Variants in CD69 observed in about 807,000 individuals in gnomAD.
CD69 encodes CD69 molecule, also known as early activation antigen CD69.
A neutral mutation model predicts 21.4 loss-of-function variants in CD69; 10 were observed. That is an observed-to-expected ratio of 0.47 (90% confidence interval 0.29 to 0.79). The LOEUF (loss-of-function observed/expected upper bound fraction) is 0.79. Ranked by LOEUF, CD69 falls within the 30% of genes least tolerant of loss-of-function variation. The probability of loss-of-function intolerance (pLI) is 0.09; values close to 1 mark genes in which losing one functional copy is unlikely to be tolerated. For missense variants in CD69, 204 were observed against 236.9 expected (o/e 0.86, Z 0.91); for synonymous variants, 63 against 78.2 (o/e 0.81, Z 1.03).
intron 1 of CD69, among the ~76,000 whole-genome samples, chr12:9,757,909 C>T (rs1403879522): frequency 1.3e-5 from 2 of 152,056 alleles, no homozygotes; most frequent in African/African-American, 4.8e-5. Context: ...TGAACTAAAC[C>T]TCAATTTAAA....
intron 3 of CD69, 70 bp from the exon 4 acceptor site, chr12:9,754,760 T>G: frequency 9.9e-7 from 1 of 1,009,464 alleles, no homozygotes; most frequent in Non-Finnish European, 1.6e-6. Context: ...AAATCCTGTT[T>G]CTCAAAAGCT....
intron 1 of CD69, among the ~76,000 whole-genome samples, chr12:9,757,725 A>C (rs1866690990): frequency 6.6e-6 from 1 of 152,240 alleles, no homozygotes; most frequent in Non-Finnish European, 1.5e-5. Flanking sequence ...CTCTGGTGTC[A>C]AAAATCAGAA....
intron 1 of CD69, 138 bp from the exon 2 acceptor site, chr12:9,756,557 T>G: frequency 1.4e-6 from 1 of 711,690 alleles, no homozygotes; most frequent in Admixed American, 3.6e-5. Context: ...TATAGAAATT[T>G]CTAAGTTAAT....
chr12:9,756,454 G>A, intron 1 of CD69, 35 bp from the exon 2 acceptor site: 1 of 1,580,832 alleles, frequency 6.3e-7, no homozygotes, highest in South Asian at 1.1e-5. Flanking sequence ...AGTTCAGGCA[G>A]ACTATAGAAG....
chr12:9,758,497 C>CT (rs200427858), intron 1 of CD69, among the ~76,000 whole-genome samples: 25 of 152,138 alleles, frequency 1.6e-4, no homozygotes, highest in African/African-American at 6.0e-4. Flanking sequence ...GAGAAGTTGC[C>CT]TTTTTTTCAC....
chr12:9,754,169 GC>G (rs1866656186), intron 4 of CD69: 1 of 155,176 alleles, frequency 6.4e-6, no homozygotes, highest in South Asian at 2.0e-4. Context: ...TCATAATTAG[GC>G]ATTGAAACTA....
intron 4 of CD69, chr12:9,754,016 A>G (rs1309307174): frequency 6.5e-6 from 1 of 154,274 alleles, no homozygotes; most frequent in Non-Finnish European, 1.4e-5. Context: ...AGAAACCTGA[A>G]TTTTAATCTC....
In CD69 at chr12:9,760,881, G is replaced by C; in HGVS notation, c.-61C>G. 5.1e-6 allele frequency: 7 copies of C among 1,373,978 alleles called. No homozygotes were observed. The highest frequency in any genetic ancestry group is 6.2e-6 in the Non-Finnish European group (6 of 969,612). The allele number at this position is 1,373,978 out of a possible 1,614,324, so 85.1% of individuals were successfully genotyped here. A position where few individuals can be genotyped will look rare whatever the true frequency, so the allele number is the denominator to read the frequency against. Reference sequence around the variant, plus strand: ...AAGTCAAGCTACAGTGAAAGTCTTTGCTGGAGCTCTTGTTGAGTCTGTGAG... The same window carrying C: ...AAGTCAAGCTACAGTGAAAGTCTTTCCTGGAGCTCTTGTTGAGTCTGTGAG... On this transcript the variant is annotated 5_prime_UTR_variant, in exon 1 of 5. Coordinates refer to ENST00000228434, the MANE Select transcript of CD69 (RefSeq NM_001781.2).
At chr12:9,757,204 A>G (rs1406247921) in intron 1 of CD69, among the ~76,000 whole-genome samples, 1 of 152,212 alleles carries the variant, frequency 6.6e-6, no homozygotes, top group Non-Finnish European at 1.5e-5. Flanking sequence ...AAAATATTGA[A>G]TTGCTATATA....
chr12:9,760,901 T>G lies in CD69; in HGVS notation c.-81A>C, dbSNP rs1866728867. On this transcript the variant is annotated 5_prime_UTR_variant, in exon 1 of 5. Coordinates refer to ENST00000228434, the MANE Select transcript of CD69 (RefSeq NM_001781.2). Reference sequence around the variant, plus strand: ...TCTTTGCTGGAGCTCTTGTTGAGTCTGTGAGGCTCTGAGGCATCTCAGAGT... The same window carrying G: ...TCTTTGCTGGAGCTCTTGTTGAGTCGGTGAGGCTCTGAGGCATCTCAGAGT... 8.7e-7 allele frequency: 1 copy of G among 1,148,684 alleles called. No individual in the cohort carries two copies. The highest frequency in any genetic ancestry group is 1.2e-5 in the South Asian group (1 of 81,436). The allele number at this position is 1,148,684 out of a possible 1,614,324, so 71.2% of individuals were successfully genotyped here.
intron 4 of CD69, 22 bp downstream of exon 4, chr12:9,754,564 TA>T: frequency 7.4e-7 from 1 of 1,348,808 alleles, no homozygotes; most frequent in Non-Finnish European, 1.1e-6. Context: ...CTGGGGAATA[TA>T]AAGAGACTTC....
intron 1 of CD69, among the ~76,000 whole-genome samples, chr12:9,759,549 G>A (rs903212014): frequency 1.3e-4 from 19 of 150,778 alleles, no homozygotes; most frequent in African/African-American, 1.7e-4. Flanking sequence ...GTAATGGCTC[G>A]CCTGATTACC....
rs77485662 is a variant in CD69 at position 9,759,975 on chromosome 12, G to A, written c.64+782C>T. 1.0e-2 allele frequency among the ~76,000 whole-genome samples: 1,518 copies of A among 151,866 alleles called. 24 individuals are homozygous for A. Among genetic ancestry groups the A allele is most frequent in the African/African-American group, 0.035 (1,449 of 41,182 alleles). On this transcript the variant is annotated intron_variant, in intron 1 of 4. Coordinates refer to ENST00000228434, the MANE Select transcript of CD69 (RefSeq NM_001781.2). ...CTAAGATGATTATATTTTGCTGAGA[G>A]ACAAAGGAAAGGAAGAACAAATTCT... is the stretch of plus-strand genomic sequence containing the variant.
At chr12:9,756,217 C>T in intron 2 of CD69, 80 bp downstream of exon 2, 5 of 1,346,454 alleles carry the variant, frequency 3.7e-6, no homozygotes, top group Non-Finnish European at 5.1e-6. Context: ...ATTAACTAGA[C>T]TAAACTAATA....
chr12:9,755,326 T>G, intron 2 of CD69, 65 bp from the exon 3 acceptor site: 3 of 1,295,580 alleles, frequency 2.3e-6, no homozygotes, highest in Non-Finnish European at 3.4e-6. Flanking sequence ...CATGCAAAAC[T>G]AGCCTTAGGA....
chr12:9,758,130 C>G (rs1390343263), intron 1 of CD69, among the ~76,000 whole-genome samples: 1 of 150,336 alleles, frequency 6.7e-6, no homozygotes, highest in Non-Finnish European at 1.5e-5. Context: ...TTAACGATAA[C>G]TGATAGTTAC....
At chr12:9,760,274 G>A (rs1866721117) in intron 1 of CD69, among the ~76,000 whole-genome samples, 1 of 152,168 alleles carries the variant, frequency 6.6e-6, no homozygotes, top group Non-Finnish European at 1.5e-5. Context: ...GACACTGAAT[G>A]CAAAGGAAGG....
At position 9,760,774 on chromosome 12, in the gene CD69, G is replaced by C. The variant is rs764551801; in HGVS notation, c.47C>G (p.Pro16Arg). The C allele has an allele frequency of 3.2e-5, 52 of 1,612,396 alleles. No homozygotes were observed. The South Asian group carries it at 5.7e-4, about 18-fold the overall frequency. ...CFVAENSSLH[P>R]ESGQENDATS... ...TGACTTACTTTCTTGTCCACTCTCCGGATGCAAAGAGCTGTTCTCTGCTAC... is the reference window on the plus strand; with the variant it reads ...TGACTTACTTTCTTGTCCACTCTCCCGATGCAAAGAGCTGTTCTCTGCTAC... Residue 16 changes from proline (P) to arginine (R), a missense_variant, in exon 1 of 5, where the codon CCG becomes CGG. Pro to Arg is a moderately radical substitution (Grantham distance 103). Transcript: ENST00000228434.
chr12:9,760,141 C>A (rs763674077), intron 1 of CD69, among the ~76,000 whole-genome samples: 1 of 151,896 alleles, frequency 6.6e-6, no homozygotes, highest in Non-Finnish European at 1.5e-5. Context: ...TAGCAAATTA[C>A]AAATGGACAC....
Sources: allele counts gnomAD v4.1 joint callset (sites outside exome capture counted in the v4.1 genomes callset), GRCh38; gene constraint gnomAD v4.1.1; transcripts MANE v1.5; gene names NCBI Gene and HGNC (gene_info 2026-07-23, HGNC 2026-07-21).